Variants in HCN4 observed in about 807,000 individuals in gnomAD.
HCN4 encodes potassium/sodium hyperpolarization-activated cyclic nucleotide-gated channel 4.
HCN4 carries 29 observed loss-of-function variants against 76.9 expected under a neutral mutation model. The ratio of observed to expected loss-of-function variants is 0.38; its 90% confidence interval spans 0.28 to 0.51. HCN4 has a LOEUF of 0.51. HCN4 is among the 20% of genes least tolerant of loss of function. The pLI, the probability that HCN4 is intolerant of heterozygous loss-of-function variation, is 0.90. For synonymous variants in HCN4, 772 were observed against 762.5 expected (o/e 1.01, Z -0.21); for missense variants, 1,416 against 1,715.2 (o/e 0.83, Z 3.08).
At position 73,328,423 on chromosome 15, in the gene HCN4, C is replaced by T. The variant is rs565589828; in HGVS notation, c.1590+1150G>A. Among the ~76,000 whole-genome samples the T allele has an allele frequency of 6.6e-6, 1 of 152,094 alleles. No individual in the cohort carries two copies. Among genetic ancestry groups the T allele is most frequent in the South Asian group, 2.1e-4 (1 of 4,830 alleles). The stretch of plus-strand genomic sequence containing the variant: ...TGGGAAAACATGCTGAGGAGTTAAT[C>T]TACATCTTCAGAGCAACGTGAAGTC... On this transcript the variant is annotated intron_variant, in intron 4 of 7. Transcript: ENST00000261917. The surrounding 1 kb of genome is among the most constrained non-coding windows in gnomAD (Gnocchi z 4.0).
At chr15:73,340,168 G>C (rs2042991956) in intron 2 of HCN4, among the ~76,000 whole-genome samples, 1 of 152,188 alleles carries the variant, frequency 6.6e-6, no homozygotes, top group South Asian at 2.1e-4. Flanking sequence ...GTGGGGACAG[G>C]AGCCCTGGGC....
chr15:73,327,108 C>CTTTTTTT (rs975122477), intron 4 of HCN4, among the ~76,000 whole-genome samples: 2 of 131,120 alleles, frequency 1.5e-5, no homozygotes, highest in Non-Finnish European at 1.7e-5. Context: ...TTTTCTTTTT[C>CTTTTTTT]TTTTTTTTTT....
chr15:73,329,485 G>C, intron 4 of HCN4, 88 bp downstream of exon 4: 1 of 1,226,856 alleles, frequency 8.2e-7, no homozygotes, highest in Non-Finnish European at 1.2e-6. Context: ...GGGAGCAGGG[G>C]GCGGTTCCTG....
intron 2 of HCN4, among the ~76,000 whole-genome samples, chr15:73,334,935 G>C (rs554431397): frequency 6.6e-6 from 1 of 152,196 alleles, no homozygotes; most frequent in African/African-American, 2.4e-5. Flanking sequence ...AGGTCATCAG[G>C]TCATGAAGTT....
At chr15:73,361,685 C>T (rs1166196976) in intron 1 of HCN4, among the ~76,000 whole-genome samples, 1 of 152,190 alleles carries the variant, frequency 6.6e-6, no homozygotes, top group Admixed American at 6.5e-5. Context: ...GCCACTCAGG[C>T]TGCTATGACA....
intron 3 of HCN4, among the ~76,000 whole-genome samples, chr15:73,330,731 G>A (rs1032143702): frequency 1.3e-5 from 2 of 152,186 alleles, no homozygotes; most frequent in African/African-American, 4.8e-5. Context: ...CGTGAGCTTC[G>A]AGCCATATTC....
chr15:73,366,832 T>A (rs537957201), intron 1 of HCN4, among the ~76,000 whole-genome samples: 2 of 152,250 alleles, frequency 1.3e-5, no homozygotes, highest in South Asian at 4.1e-4. Context: ...TCTTCACCCA[T>A]CACTATGAGC....
intron 2 of HCN4, among the ~76,000 whole-genome samples, chr15:73,338,117 A>C (rs545922575): frequency 6.6e-6 from 1 of 152,328 alleles, no homozygotes; most frequent in East Asian, 1.9e-4. Flanking sequence ...ACCACTCTCC[A>C]GCACCTGGGA....
rs575604727 is a variant in HCN4, at chr15:73,324,055, C to A, written c.2143+34G>T. ...GCCCTGCCCTCCTCCCCCAACACCC[C>A]CCACCTGCCCCGCCTGTGGCCCCTC... On this transcript the variant is annotated intron_variant, in intron 7 of 7. Transcript: ENST00000261917. The A allele has an allele frequency of 2.5e-5, 41 of 1,609,618 alleles. No homozygotes were observed. The East Asian group carries it at 7.8e-4, about 31-fold the overall frequency.
chr15:73,341,069 G>GGGGTGTGTGTGTGTGTGTGTGTGTGTGT (rs1491312112), intron 2 of HCN4: 20 of 145,900 alleles, frequency 1.4e-4, no homozygotes, highest in African/African-American at 4.9e-4. Context: ...GAGGGAGGTA[G>GGGGTGTGTGTGTGTGTGTGTGTGTGTGT]GTGTGTGTGT....
Position 73,368,235 on chromosome 15 carries a change from G to A in HCN4, c.36C>T (p.Leu12=). Residue 12 remains leucine (L), a synonymous_variant, in exon 1 of 8, where the codon CTC becomes CTT. Transcript: ENST00000261917. The surrounding 1 kb of genome is among the most constrained non-coding windows in gnomAD (Gnocchi z 6.9). The stretch of plus-strand genomic sequence containing the variant: ...CCCCCACCTGCTGCGGGAGGCTGTA[G>A]AGCCGCTTGCGCATGGACGGCGGCA... ...DKLPPSMRKR[L]YSLPQQVGAK... is the part of the protein sequence containing the mutation. 1 of 1,515,186 alleles carries A rather than the reference G, an allele frequency of 6.6e-7. No individual in the cohort carries two copies. The highest frequency in any genetic ancestry group is 1.4e-5 in the African/African-American group (1 of 69,402). 93.9% of individuals were successfully genotyped at this position (1,515,186 alleles called of 1,614,324 possible).
chr15:73,368,068 C>T lies in HCN4; in HGVS notation c.203G>A (p.Arg68Gln), dbSNP rs1160213657. 3 of 1,485,798 alleles carry T rather than the reference C, an allele frequency of 2.0e-6. No homozygotes were observed. The highest frequency in any genetic ancestry group is 8.9e-7 in the Non-Finnish European group (1 of 1,123,410). 92.0% of individuals were successfully genotyped at this position (1,485,798 alleles called of 1,614,324 possible). A position where few individuals can be genotyped will look rare whatever the true frequency, so the allele number is the denominator to read the frequency against. ...GTCCGCTGCCCCGAGGGCCGAGCTCCGGGACTCCGTGCCACCCGCGGCCGC... is the reference window on the plus strand; with the variant it reads ...GTCCGCTGCCCCGAGGGCCGAGCTCTGGGACTCCGTGCCACCCGCGGCCGC... ...PSAAAGGTES[R>Q]SSALGAADSE... Residue 68 changes from arginine to glutamine, a missense_variant, in exon 1 of 8, where the codon CGG becomes CAG. By Grantham distance (43) the Arg-to-Gln change is conservative (BLOSUM62 1). This residue lies in a region of HCN4 where 355 missense variants were observed against 347.8 expected (regional missense o/e 1.02). Coordinates refer to ENST00000261917, the MANE Select transcript of HCN4 (RefSeq NM_005477.3). The surrounding 1 kb of genome is among the most constrained non-coding windows in gnomAD (Gnocchi z 6.9).
rs537721603 is a variant in HCN4, at chr15:73,328,291, C to G, written c.1590+1282G>C. ...CCGTGTCTGGGTCCCATGGCAGGAG[C>G]AGGCATGGGGAGAGAAGTCTGGCCA... On this transcript the variant is annotated intron_variant, in intron 4 of 7. Coordinates refer to ENST00000261917, the MANE Select transcript of HCN4 (RefSeq NM_005477.3). The surrounding 1 kb of genome is among the most constrained non-coding windows in gnomAD (Gnocchi z 4.0). 6.6e-6 allele frequency among the ~76,000 whole-genome samples: 1 copy of G among 151,942 alleles called. No homozygotes were observed. The highest frequency in any genetic ancestry group is 1.5e-5 in the Non-Finnish European group (1 of 67,992).
chr15:73,340,498 G>T (rs2042994753), intron 2 of HCN4, among the ~76,000 whole-genome samples: 1 of 152,192 alleles, frequency 6.6e-6, no homozygotes. Flanking sequence ...GAAACCAGGA[G>T]ACAAGTGTGT....
chr15:73,329,913 C>T, intron 3 of HCN4, 122 bp from the exon 4 acceptor site: 2 of 777,952 alleles, frequency 2.6e-6, no homozygotes, highest in Non-Finnish European at 4.2e-6. Flanking sequence ...CCCAGGGCTC[C>T]CTAACCTTGC....
chr15:73,324,384 C>A, intron 6 of HCN4, 131 bp from the exon 7 acceptor site: 1 of 975,414 alleles, frequency 1.0e-6, no homozygotes, highest in Non-Finnish European at 1.6e-6. Context: ...TGCCCCCAGA[C>A]TGCGGCCACA....
intron 4 of HCN4, 34 bp downstream of exon 4, chr15:73,329,539 G>C: frequency 6.2e-7 from 1 of 1,603,936 alleles, no homozygotes; most frequent in Non-Finnish European, 8.5e-7. Context: ...TCTTGGGAGG[G>C]ACCAATGTGC....
At chr15:73,342,958 T>C (rs2043013234) in intron 2 of HCN4, among the ~76,000 whole-genome samples, 1 of 152,136 alleles carries the variant, frequency 6.6e-6, no homozygotes. Flanking sequence ...TTTTCACCCA[T>C]CCCTATTCCC....
intron 1 of HCN4, among the ~76,000 whole-genome samples, chr15:73,357,175 T>C (rs983850590): frequency 6.6e-6 from 1 of 152,188 alleles, no homozygotes; most frequent in African/African-American, 2.4e-5. Context: ...CCAACCCCTC[T>C]CTGGTCCCAT....
Sources: gnomAD v4.1 joint callset for allele counts (sites outside exome capture counted in the v4.1 genomes callset) on GRCh38, gnomAD v4.1.1 for gene constraint, gnomAD v4.1.1 regional missense constraint, Gnocchi (gnomAD v3.1) non-coding constraint, MANE v1.5 for transcripts, NCBI Gene and HGNC (gene_info 2026-07-23, HGNC 2026-07-21) for gene names.